STAG2: variants seen among roughly 807,000 people sequenced by gnomAD.
The protein encoded by STAG2 is cohesin subunit SA-2.
Under a neutral mutation model 108.1 loss-of-function variants are expected in STAG2, and 14 were observed. That is an observed-to-expected ratio of 0.13 (90% CI 0.09 to 0.20). STAG2 has a LOEUF of 0.20. Ranked by LOEUF, STAG2 falls within the 10% of genes least tolerant of loss-of-function variation. The pLI is 1.00. For synonymous variants in STAG2, 307 were observed against 302.7 expected, an observed-to-expected ratio of 1.01 and a Z score of -0.15; for missense variants, 440 against 940.9, an observed-to-expected ratio of 0.47 and a Z score of 6.96.
At chrX:124,077,866 T>C (rs900135416) in intron 26 of STAG2, 91 bp from the exon 27 acceptor site, 2 of 518,047 alleles carry the variant, frequency 3.9e-6, no homozygotes, top group Admixed American at 4.5e-5. Context: ...ATACATACTT[T>C]GTGACGTGTT....
chrX:124,094,192 A>C lies in STAG2; in HGVS notation c.3705+48A>C, dbSNP rs775149597. 7 of 1,134,350 alleles carry C rather than the reference A, an allele frequency of 6.2e-6. No homozygotes were observed. The East Asian group carries it at 1.8e-4, about 29-fold the overall frequency. 93.5% of individuals were successfully genotyped at this position (1,134,350 alleles called of 1,213,427 possible). A position where few individuals can be genotyped will look rare whatever the true frequency, so the allele number is the denominator to read the frequency against. On this transcript the variant is annotated intron_variant, in intron 33 of 34. Transcript: ENST00000371145. ...TAAGATTTTCAGTTTAGATCTTTTG[A>C]AAATTATGTTGGATATTTATTAGAG... is the stretch of plus-strand genomic sequence containing the variant.
At chrX:123,998,783 A>G (rs1440826514) in intron 1 of STAG2, among the ~76,000 whole-genome samples, 2 of 111,761 alleles carry the variant, frequency 1.8e-5, no homozygotes, top group Non-Finnish European at 3.8e-5. Context: ...TAAAAGTTGT[A>G]TATGTACATT....
At chrX:124,003,878 T>A (rs1185320984) in intron 1 of STAG2, 1 of 111,879 alleles carries the variant, frequency 8.9e-6, no homozygotes, top group African/African-American at 3.2e-5. Flanking sequence ...TTTTATTGGT[T>A]TAATATATTT....
At chrX:124,047,890 A>T (rs2057920659) in intron 9 of STAG2, among the ~76,000 whole-genome samples, 1 of 112,364 alleles carries the variant, frequency 8.9e-6, no homozygotes, top group Non-Finnish European at 1.9e-5. Context: ...TGGCATCTAA[A>T]TCAGTGTTTT....
At chrX:124,084,740 A>G (rs1362356271) in intron 29 of STAG2, among the ~76,000 whole-genome samples, 3 of 112,731 alleles carry the variant, frequency 2.7e-5, no homozygotes, top group Non-Finnish European at 5.6e-5. Flanking sequence ...TTAAAATTGC[A>G]TAAGCAGTAT....
At chrX:124,093,916 C>T in intron 32 of STAG2, 102 bp from the exon 33 acceptor site, 1 of 915,375 alleles carries the variant, frequency 1.1e-6, no homozygotes, top group South Asian at 2.3e-5. Flanking sequence ...TTAATTCCAT[C>T]ATTTTCCATT....
intron 1 of STAG2, among the ~76,000 whole-genome samples, chrX:123,987,334 C>T (rs777522764): frequency 1.8e-5 from 2 of 110,351 alleles, no homozygotes; most frequent in African/African-American, 6.6e-5. Context: ...CTGCAACCTC[C>T]GCCTCCCAAG....
intron 17 of STAG2, 86 bp downstream of exon 17, chrX:124,061,960 A>G (rs2058392778): frequency 1.7e-5 from 13 of 748,527 alleles, no homozygotes; most frequent in Non-Finnish European, 2.4e-5. Context: ...TAGCCATGAA[A>G]CAATTTTGTT....
chrX:124,030,942 C>T lies in STAG2; in HGVS notation c.124-19C>T. ...CAAGGATAGTGATATAACTTAACCACCTCGTATTTTTTATGCAGACTTGTA... is the reference window on the plus strand; with the variant it reads ...CAAGGATAGTGATATAACTTAACCATCTCGTATTTTTTATGCAGACTTGTA... On this transcript the variant is annotated intron_variant, in intron 4 of 34. Coordinates refer to ENST00000371145, the MANE Select transcript of STAG2 (RefSeq NM_001042750.2). The T allele has an allele frequency of 2.5e-6, 3 of 1,180,895 alleles. No individual in the cohort carries two copies. The highest frequency in any genetic ancestry group is 2.3e-6 in the Non-Finnish European group (2 of 882,404).
At chrX:124,073,152 C>T (rs2058715301) in intron 25 of STAG2, among the ~76,000 whole-genome samples, 1 of 110,256 alleles carries the variant, frequency 9.1e-6, no homozygotes, top group Non-Finnish European at 1.9e-5. Context: ...GAGAAGCTAA[C>T]AACTGAAGTT....
chrX:124,054,941 T>C (rs1198898062), intron 13 of STAG2, among the ~76,000 whole-genome samples: 1 of 110,306 alleles, frequency 9.1e-6, no homozygotes, highest in Admixed American at 9.7e-5. Context: ...TTTTTTTCTT[T>C]CCGTTTTTTG....
intron 1 of STAG2, among the ~76,000 whole-genome samples, chrX:123,964,272 CG>C (rs1388110632): frequency 2.8e-5 from 3 of 108,901 alleles, no homozygotes; most frequent in African/African-American, 1.0e-4. Context: ...AACGTTTAAA[CG>C]GGAACTAGTA....
intron 29 of STAG2, 117 bp downstream of exon 29, chrX:124,083,666 C>A: frequency 1.8e-6 from 1 of 566,033 alleles, no homozygotes; most frequent in Non-Finnish European, 2.6e-6. Flanking sequence ...CATTAATACA[C>A]AAAAAAGTTT....
chrX:124,047,566 G>T, intron 9 of STAG2, 61 bp downstream of exon 9: 1 of 983,368 alleles, frequency 1.0e-6, no homozygotes, highest in South Asian at 2.2e-5. Flanking sequence ...CATTAATTAG[G>T]ATATAACTTT....
intron 17 of STAG2, 71 bp from the exon 18 acceptor site, chrX:124,062,831 T>A: frequency 1.2e-6 from 1 of 822,886 alleles, no homozygotes; most frequent in Non-Finnish European, 1.7e-6. Context: ...TTTTGTATGT[T>A]TTAACTAAAA....
chrX:123,986,007 G>A (rs936484256), intron 1 of STAG2, among the ~76,000 whole-genome samples: 12 of 107,143 alleles, frequency 1.1e-4, no homozygotes, highest in Non-Finnish European at 2.1e-4. Flanking sequence ...TTTTAGAGGA[G>A]GAAGAAGCCT....
intron 4 of STAG2, among the ~76,000 whole-genome samples, chrX:124,026,878 T>C (rs895126987): frequency 8.9e-6 from 1 of 111,949 alleles, no homozygotes; most frequent in Non-Finnish European, 1.9e-5. Context: ...TTTTTTCTAT[T>C]TTTTAAATTA....
At chrX:124,009,362 C>A (rs2056420587) in intron 1 of STAG2, among the ~76,000 whole-genome samples, 1 of 107,524 alleles carries the variant, frequency 9.3e-6, no homozygotes, top group African/African-American at 3.4e-5. Flanking sequence ...GTGAGAGTCC[C>A]CTAATGATAT....
At chrX:123,993,838 T>TCTCC (rs2055599282) in intron 1 of STAG2, among the ~76,000 whole-genome samples, 1 of 111,594 alleles carries the variant, frequency 9.0e-6, no homozygotes, top group African/African-American at 3.3e-5. Flanking sequence ...TTTATATGAT[T>TCTCC]TTTATGCATA....
Sources: allele counts gnomAD v4.1 joint callset (sites outside exome capture counted in the v4.1 genomes callset), GRCh38; gene constraint gnomAD v4.1.1; transcripts MANE v1.5; gene names NCBI Gene and HGNC (gene_info 2026-07-23, HGNC 2026-07-21).